NPC1L1: variants seen among roughly 807,000 people sequenced by gnomAD.
NPC1L1 encodes the protein NPC1 like intracellular cholesterol transporter 1.
A neutral mutation model predicts 117.0 loss-of-function variants in NPC1L1; 98 were observed. That is an observed-to-expected ratio of 0.84 (90% confidence interval 0.71 to 0.99). NPC1L1 has a LOEUF of 0.99. Ranked by LOEUF, NPC1L1 falls within the 50% of genes least tolerant of loss-of-function variation. The pLI is 0.00. For synonymous variants in NPC1L1, 729 were observed against 727.6 expected, an observed-to-expected ratio of 1.00 and a Z score of -0.03; for missense variants, 1,540 against 1,710.0, an observed-to-expected ratio of 0.90 and a Z score of 1.75.
At chr7:44,533,030 C>T (rs111621950) in intron 8 of NPC1L1, among the ~76,000 whole-genome samples, 270 of 151,976 alleles carry the variant, frequency 1.8e-3, no homozygotes, top group African/African-American at 5.6e-3. Context: ...CGCTTGAACC[C>T]GGGAGGCAGA....
chr7:44,532,214 A>T lies in NPC1L1; in HGVS notation c.2413T>A (p.Ser805Thr). ...ACACAGCAGCAGACGTCCAACCGGG[A>T]GGCCTGGAGTGGGAGGCACCCCCTC... is the stretch of plus-strand genomic sequence containing the variant. ...LSLDSKRQEASRLDVCCCVKP... is the reference protein window; with the variant it reads ...LSLDSKRQEATRLDVCCCVKP... Residue 805 changes from serine to threonine, a missense_variant, in exon 9 of 19, where the codon TCC becomes ACC. Physicochemically the swap from Ser to Thr is moderately conservative, Grantham distance 58 (BLOSUM62 1). Around this residue, in one of 3 missense-constraint regions of NPC1L1, gnomAD observed 742 missense variants for 873.6 expected, o/e 0.85. Coordinates refer to ENST00000381160, the MANE Select transcript of NPC1L1 (RefSeq NM_001101648.2). The T allele has an allele frequency of 1.2e-6, 2 of 1,613,570 alleles. No individual in the cohort carries two copies. The highest frequency in any genetic ancestry group is 1.7e-6 in the Non-Finnish European group (2 of 1,179,920).
intron 10 of NPC1L1, among the ~76,000 whole-genome samples, chr7:44,523,620 C>A (rs981684950): frequency 1.3e-5 from 2 of 152,066 alleles, no homozygotes; most frequent in African/African-American, 4.8e-5. Context: ...AATTTCAGAA[C>A]TTTGGGAGGG....
At chr7:44,535,430 G>A (rs1332151434) in intron 5 of NPC1L1, among the ~76,000 whole-genome samples, 2 of 151,826 alleles carry the variant, frequency 1.3e-5, no homozygotes, top group Non-Finnish European at 2.9e-5. Flanking sequence ...TTGGGAGGCT[G>A]AAGCAGGAGG....
chr7:44,522,244 T>C lies in NPC1L1; in HGVS notation c.2638-2A>G. ...GAAATAGTCAAGCAGGTACGAGTCC[T>C]AGGAGTGGAGGAGGGTCAGTGAGCT... On this transcript the variant is annotated splice_acceptor_variant, in intron 10 of 18. Transcript: ENST00000381160. LOFTEE classifies it high-confidence loss of function. 1 of 1,611,892 alleles carries C rather than the reference T, an allele frequency of 6.2e-7. No homozygotes were observed. Among genetic ancestry groups the C allele is most frequent in the Admixed American group, 1.7e-5 (1 of 59,754 alleles).
Position 44,533,865 on chromosome 7 carries a change from C to T in NPC1L1, c.2167-12G>A. ...CTCCGGGGCAGCCTCTGTGTGGGAACAGCAGGGATAAGAGCCAGGGCCCTC... is the reference window on the plus strand; with the variant it reads ...CTCCGGGGCAGCCTCTGTGTGGGAATAGCAGGGATAAGAGCCAGGGCCCTC... On this transcript the variant is annotated splice_polypyrimidine_tract_variant and intron_variant, in intron 6 of 18. Transcript: ENST00000381160. 1 of 1,603,850 alleles carries T rather than the reference C, an allele frequency of 6.2e-7. No individual in the cohort carries two copies. The highest frequency in any genetic ancestry group is 8.5e-7 in the Non-Finnish European group (1 of 1,174,980).
rs1802042591 is a variant in NPC1L1, at chr7:44,540,036, C to T, written c.361G>A (p.Val121Met). Reference protein sequence around the residue: ...TRCPACSDNFVNLHCHNTCSP... With the variant: ...TRCPACSDNFMNLHCHNTCSP... The stretch of plus-strand genomic sequence containing the variant: ...CACGTGTTGTGGCAGTGCAGGTTCA[C>T]AAAATTGTCAGAGCAGGCTGGGCAG... The change falls in exon 2 of 19, where the codon GTG becomes ATG. Residue 121 changes from valine to methionine, a missense_variant. By Grantham distance (21) the Val-to-Met change is conservative (BLOSUM62 1). Coordinates refer to ENST00000381160, the MANE Select transcript of NPC1L1 (RefSeq NM_001101648.2). 1 of 1,614,208 alleles carries T rather than the reference C, an allele frequency of 6.2e-7. No homozygotes were observed. Among genetic ancestry groups the T allele is most frequent in the Non-Finnish European group, 8.5e-7 (1 of 1,180,044 alleles).
At position 44,532,233 on chromosome 7, in the gene NPC1L1, C is replaced by A. The variant is rs774768014; in HGVS notation, c.2410-16G>T. 21 of 1,612,898 alleles carry A rather than the reference C, an allele frequency of 1.3e-5. No homozygotes were observed. The highest frequency in any genetic ancestry group is 1.7e-5 in the Non-Finnish European group (20 of 1,179,854). ...ACCGGGAGGCCTGGAGTGGGAGGCA[C>A]CCCCTCAAGGTAGTCCCAGAGCAGA... is the stretch of plus-strand genomic sequence containing the variant. On this transcript the variant is annotated splice_polypyrimidine_tract_variant and intron_variant, in intron 8 of 18. Transcript: ENST00000381160.
intron 1 of NPC1L1, 113 bp from the exon 2 acceptor site, chr7:44,540,455 A>G: frequency 1.0e-6 from 1 of 954,998 alleles, no homozygotes. Context: ...GGGGCAGGGA[A>G]GCGGGGAGTG....
chr7:44,541,121 C>T (rs969704611), intron 1 of NPC1L1, 85 bp downstream of exon 1: 1 of 1,433,782 alleles, frequency 7.0e-7, no homozygotes, highest in Admixed American at 2.0e-5. Context: ...TGCTGTCACC[C>T]AGTAACGCTC....
chr7:44,522,542 G>A (rs1488316172), intron 10 of NPC1L1, among the ~76,000 whole-genome samples: 1 of 152,126 alleles, frequency 6.6e-6, no homozygotes, highest in Non-Finnish European at 1.5e-5. Flanking sequence ...ATGCTCAGAG[G>A]TCACACACAA....
At position 44,516,182 on chromosome 7, in the gene NPC1L1, C is replaced by T. The variant is rs775898844; in HGVS notation, c.3535G>A (p.Val1179Met). 2.5e-6 allele frequency: 4 copies of T among 1,607,354 alleles called. No individual in the cohort carries two copies. The Admixed American group carries it at 6.8e-5, about 27-fold the overall frequency. ...CGGGTAATGTGGGACACAAACTCCACAGACATGCCCACCGCCTATGGGCAG... is the reference window on the plus strand; with the variant it reads ...CGGGTAATGTGGGACACAAACTCCATAGACATGCCCACCGCCTATGGGCAG... ...INLVSAVGMSVEFVSHITRSF... is the reference protein window; with the variant it reads ...INLVSAVGMSMEFVSHITRSF... Residue 1179 changes from valine (V) to methionine (M), a missense_variant, in exon 17 of 19, where the codon GTG (valine) becomes ATG (methionine). By Grantham distance (21) the Val-to-Met change is conservative. This residue lies in a region of NPC1L1 where 742 missense variants were observed against 873.6 expected (regional missense o/e 0.85). Transcript: ENST00000381160.
At chr7:44,525,676 C>G (rs1801491961) in intron 10 of NPC1L1, among the ~76,000 whole-genome samples, 1 of 150,654 alleles carries the variant, frequency 6.6e-6, no homozygotes, top group Admixed American at 6.6e-5. Flanking sequence ...GTTTCAAGTC[C>G]ATTCTAGGCA....
rs771348078 is a variant in NPC1L1 at position 44,513,610 on chromosome 7, C to T, written c.3836G>A (p.Arg1279Gln). The T allele has an allele frequency of 9.3e-6, 15 of 1,613,640 alleles. No homozygotes were observed. The Admixed American group carries it at 1.5e-4, about 16-fold the overall frequency. The stretch of plus-strand genomic sequence containing the variant: ...GACTGCTGCCACCGCCTCCTCAGCC[C>T]GCTTCTGCTCCAGTGCCAGAGCCGG... ...VNPALALEQKRAEEAVAAVMV... is the reference protein window; with the variant it reads ...VNPALALEQKQAEEAVAAVMV... Residue 1279 changes from arginine (R) to glutamine (Q), a missense_variant, in exon 19 of 19, where the codon CGG (arginine) becomes CAG (glutamine). Around this residue, in one of 3 missense-constraint regions of NPC1L1, gnomAD observed 742 missense variants for 873.6 expected, o/e 0.85. Coordinates refer to ENST00000381160, the MANE Select transcript of NPC1L1 (RefSeq NM_001101648.2).
intron 8 of NPC1L1, 40 bp downstream of exon 8, chr7:44,533,391 C>A (rs1287331318): frequency 5.6e-6 from 9 of 1,612,358 alleles, no homozygotes; most frequent in Non-Finnish European, 7.6e-6. Flanking sequence ...TGGTGGGAAC[C>A]CAGGGGCAGG....
chr7:44,536,998 A>G lies in NPC1L1; in HGVS notation c.1581-56T>C, dbSNP rs1801920305. 6.8e-7 allele frequency: 1 copy of G among 1,465,080 alleles called. No homozygotes were observed. The highest frequency in any genetic ancestry group is 9.4e-7 in the Non-Finnish European group (1 of 1,062,826). The allele number at this position is 1,465,080 out of a possible 1,614,324, so 90.8% of individuals were successfully genotyped here. A position where few individuals can be genotyped will look rare whatever the true frequency, so the allele number is the denominator to read the frequency against. On this transcript the variant is annotated intron_variant, in intron 2 of 18. Coordinates refer to ENST00000381160, the MANE Select transcript of NPC1L1 (RefSeq NM_001101648.2). The surrounding 1 kb of genome is among the most constrained non-coding windows in gnomAD (Gnocchi z 4.7). ...CCTTTCCTGGCCCTGCCCAGTCCCT[A>G]TGGCCCCTCCCTTCCCCTCCCACCC...
chr7:44,514,844 A>AC (rs202009093), intron 18 of NPC1L1, among the ~76,000 whole-genome samples: 2,085 of 151,960 alleles, frequency 0.014, 32 homozygotes, highest in African/African-American at 0.047. Flanking sequence ...TCTACTAAAA[A>AC]TAAAAAATAA....
chr7:44,527,253 G>A (rs1000905629), intron 10 of NPC1L1, among the ~76,000 whole-genome samples: 3 of 151,912 alleles, frequency 2.0e-5, no homozygotes, highest in African/African-American at 7.3e-5. Context: ...GAGGTTGGGA[G>A]TTCAAGACCA....
In NPC1L1 at chr7:44,513,603, C is replaced by T; in HGVS notation, c.3843G>A (p.Glu1281=). 1 of 1,613,770 alleles carries T rather than the reference C, an allele frequency of 6.2e-7. No individual in the cohort carries two copies. The highest frequency in any genetic ancestry group is 8.5e-7 in the Non-Finnish European group (1 of 1,180,032). The change falls in exon 19 of 19, where the codon GAG becomes GAA. Residue 1281 remains glutamate (E), a synonymous_variant. Transcript: ENST00000381160. ...CCACCATGACTGCTGCCACCGCCTC[C>T]TCAGCCCGCTTCTGCTCCAGTGCCA... ...PALALEQKRA[E]EAVAAVMVAS...
chr7:44,537,624 CAG>C (rs1343383679), intron 2 of NPC1L1, among the ~76,000 whole-genome samples: 1 of 152,238 alleles, frequency 6.6e-6, no homozygotes, highest in African/African-American at 2.4e-5. Flanking sequence ...TCTCAGATCT[CAG>C]CAAGCGAGTG....
Sources: allele counts gnomAD v4.1 joint callset (sites outside exome capture counted in the v4.1 genomes callset), GRCh38; gene constraint gnomAD v4.1.1; regional missense constraint gnomAD v4.1.1; non-coding constraint Gnocchi (gnomAD v3.1); transcripts MANE v1.5; gene names NCBI Gene and HGNC (gene_info 2026-07-23, HGNC 2026-07-21).